Variants in INPP4B observed in about 807,000 individuals in gnomAD.
INPP4B encodes inositol polyphosphate 4-phosphatase type II.
A neutral mutation model predicts 122.5 loss-of-function variants in INPP4B; 55 were observed. The ratio of observed to expected loss-of-function variants is 0.45; its 90% CI spans 0.36 to 0.56. The LOEUF (loss-of-function observed/expected upper bound fraction) is 0.56. Among genes scored for constraint, INPP4B ranks in the 20% least tolerant of loss-of-function variants. INPP4B has a pLI of 0.00. For synonymous variants in INPP4B, 403 were observed against 388.7 expected, an observed-to-expected ratio of 1.04 and a Z score of -0.43; for missense variants, 1,000 against 1,097.7, an observed-to-expected ratio of 0.91 and a Z score of 1.26.
At chr4:142,651,762 G>C (rs1753008759) in intron 2 of INPP4B, among the ~76,000 whole-genome samples, 1 of 152,110 alleles carries the variant, frequency 6.6e-6, no homozygotes, top group Non-Finnish European at 1.5e-5. Context: ...TCCAGCACCT[G>C]GTAGATTCAC....
chr4:142,410,945 A>C (rs1804483876), intron 5 of INPP4B, among the ~76,000 whole-genome samples: 6 of 152,212 alleles, frequency 3.9e-5, no homozygotes. Context: ...TTTCAATAAA[A>C]GCATTTGTTA....
intron 2 of INPP4B, among the ~76,000 whole-genome samples, chr4:142,703,449 C>T (rs946073840): frequency 9.2e-5 from 14 of 152,216 alleles, no homozygotes; most frequent in African/African-American, 3.4e-4. Context: ...ATGACAATGC[C>T]AGCCTTAAAC....
At chr4:142,393,008 T>G (rs1284524037) in intron 7 of INPP4B, among the ~76,000 whole-genome samples, 1 of 152,208 alleles carries the variant, frequency 6.6e-6, no homozygotes, top group Non-Finnish European at 1.5e-5. Flanking sequence ...CCTGGTGTGC[T>G]GTATTCTCTC....
chr4:142,754,663 A>G (rs1317988460), intron 1 of INPP4B, among the ~76,000 whole-genome samples: 2 of 152,012 alleles, frequency 1.3e-5, no homozygotes. Flanking sequence ...CCTTAAAACT[A>G]TATGCATATC....
intron 2 of INPP4B, among the ~76,000 whole-genome samples, chr4:142,574,374 C>T (rs1412313864): frequency 6.6e-6 from 1 of 152,126 alleles, no homozygotes; most frequent in Non-Finnish European, 1.5e-5. Flanking sequence ...TCACTCCCTC[C>T]AAGCTTCCTC....
chr4:142,566,568 G>A (rs767264957), intron 2 of INPP4B, among the ~76,000 whole-genome samples: 31 of 152,162 alleles, frequency 2.0e-4, no homozygotes, highest in Non-Finnish European at 3.7e-4. Context: ...TGTCTAGTAG[G>A]CAGCAGAAAA....
At chr4:142,173,915 C>T (rs1035495520) in intron 15 of INPP4B, 106 bp from the exon 16 acceptor site, 1 of 916,576 alleles carries the variant, frequency 1.1e-6, no homozygotes, top group African/African-American at 1.7e-5. Flanking sequence ...TCACTCTTTC[C>T]TATTGATAAG....
intron 2 of INPP4B, among the ~76,000 whole-genome samples, chr4:142,696,247 A>T (rs1034792260): frequency 6.6e-6 from 1 of 152,078 alleles, no homozygotes; most frequent in African/African-American, 2.4e-5. Context: ...TAAGACAGAG[A>T]GTGTGCCTGG....
intron 17 of INPP4B, among the ~76,000 whole-genome samples, chr4:142,149,533 G>A (rs1812638069): frequency 6.6e-6 from 1 of 152,082 alleles, no homozygotes; most frequent in Non-Finnish European, 1.5e-5. Context: ...GTACACAGTA[G>A]CACAAACTAA....
At chr4:142,722,943 AAT>A (rs1764872997) in intron 2 of INPP4B, among the ~76,000 whole-genome samples, 1 of 152,150 alleles carries the variant, frequency 6.6e-6, no homozygotes, top group Non-Finnish European at 1.5e-5. Flanking sequence ...AATAATAGAA[AAT>A]ATAATCTGTA....
At chr4:142,390,786 G>C (rs1797417248) in intron 7 of INPP4B, among the ~76,000 whole-genome samples, 1 of 151,964 alleles carries the variant, frequency 6.6e-6, no homozygotes, top group African/African-American at 2.4e-5. Context: ...AAATTGCCTT[G>C]TCAATTGTGT....
intron 2 of INPP4B, among the ~76,000 whole-genome samples, chr4:142,674,922 A>G (rs889632844): frequency 4.6e-5 from 7 of 152,186 alleles, no homozygotes; most frequent in Non-Finnish European, 8.8e-5. Flanking sequence ...TCTAAAATCG[A>G]CACCCTAAAA....
At chr4:142,764,847 T>C (rs1771860776) in intron 1 of INPP4B, among the ~76,000 whole-genome samples, 1 of 151,740 alleles carries the variant, frequency 6.6e-6, no homozygotes, top group African/African-American at 2.4e-5. Context: ...GGCTAGACCA[T>C]CGAGGCCCTT....
At chr4:142,415,938 G>A (rs535257571) in intron 5 of INPP4B, among the ~76,000 whole-genome samples, 31 of 151,396 alleles carry the variant, frequency 2.0e-4, no homozygotes, top group Admixed American at 8.5e-4. Flanking sequence ...TCACTCATAG[G>A]TGGGAATTGA....
At chr4:142,735,562 T>C (rs1766733681) in intron 1 of INPP4B, among the ~76,000 whole-genome samples, 1 of 152,150 alleles carries the variant, frequency 6.6e-6, no homozygotes, top group African/African-American at 2.4e-5. Context: ...TTGGTTACCA[T>C]GTTGCCCAAG....
At chr4:142,312,019 A>G (rs1318863822) in intron 8 of INPP4B, among the ~76,000 whole-genome samples, 1 of 152,190 alleles carries the variant, frequency 6.6e-6, no homozygotes, top group Non-Finnish European at 1.5e-5. Context: ...CATTAGTTTT[A>G]AGCCAGTTTG....
At chr4:142,351,786 T>C (rs1348699700) in intron 7 of INPP4B, among the ~76,000 whole-genome samples, 7 of 152,014 alleles carry the variant, frequency 4.6e-5, no homozygotes, top group Admixed American at 3.9e-4. Context: ...ATTTCAATAA[T>C]TTCTAATAGT....
At chr4:142,259,839 C>T (rs1182295187) in intron 11 of INPP4B, among the ~76,000 whole-genome samples, 1 of 151,878 alleles carries the variant, frequency 6.6e-6, no homozygotes, top group African/African-American at 2.4e-5. Context: ...AAACACACAC[C>T]TTAGCCTAGG....
intron 11 of INPP4B, among the ~76,000 whole-genome samples, chr4:142,253,683 G>T (rs565275861): frequency 1.3e-5 from 2 of 152,302 alleles, no homozygotes; most frequent in African/African-American, 4.8e-5. Context: ...ATTATATCCC[G>T]CACCTGGCTC....
Sources: allele counts gnomAD v4.1 joint callset (sites outside exome capture counted in the v4.1 genomes callset), GRCh38; gene constraint gnomAD v4.1.1; transcripts MANE v1.5; gene names NCBI Gene and HGNC (gene_info 2026-07-23, HGNC 2026-07-21).